Variants in TEX9 observed in about 807,000 individuals in gnomAD.
TEX9 encodes testis expressed 9.
A neutral mutation model predicts 59.6 loss-of-function variants in TEX9; 74 were observed. The observed-to-expected ratio is 1.24, with a 90% CI of 1.03 to 1.51. The LOEUF (loss-of-function observed/expected upper bound fraction) is 1.51, where lower values mean the gene tolerates loss of function less well. Ranked by LOEUF, TEX9 falls within the 40% of genes most tolerant of loss-of-function variation. TEX9 has a pLI of 0.00. For synonymous variants in TEX9, 186 were observed against 152.2 expected (o/e 1.22, Z -1.64); for missense variants, 522 against 447.8 (o/e 1.17, Z -1.49).
intron 1 of TEX9, among the ~76,000 whole-genome samples, chr15:56,317,947 T>C (rs2045815423): frequency 6.6e-6 from 1 of 152,198 alleles, no homozygotes; most frequent in Non-Finnish European, 1.5e-5. Flanking sequence ...TTGTGGAGAA[T>C]GTGTATATCA....
At chr15:56,456,049 C>T in the TEX9 span, among the ~76,000 whole-genome samples, 1 of 152,094 alleles carries the variant, frequency 6.6e-6, no homozygotes, top group African/African-American at 2.4e-5. Context: ...TCCAGAAATA[C>T]TGTAGGAAAT....
intron 1 of TEX9, 41 bp downstream of exon 1, chr15:56,365,518 G>T (rs1395584450): frequency 6.2e-7 from 1 of 1,614,186 alleles, no homozygotes; most frequent in South Asian, 1.1e-5. Flanking sequence ...TCTGGGTTCC[G>T]GCGACTAGGA....
intron 12 of TEX9, chr15:56,428,476 A>G: frequency 1.6e-5 from 22 of 1,387,652 alleles, no homozygotes; most frequent in Non-Finnish European, 2.1e-5. Flanking sequence ...CTATGACAGT[A>G]TGTGATGGAT....
At position 56,407,533 on chromosome 15, in the gene TEX9, C is replaced by A. The variant is rs1486600802; in HGVS notation, c.829-4769C>A. 6.6e-5 allele frequency among the ~76,000 whole-genome samples: 10 copies of A among 152,072 alleles called. No individual in the cohort carries two copies. In the East Asian group the frequency reaches 1.7e-3, roughly 26 times the overall value. On this transcript the variant is annotated intron_variant, in intron 9 of 12. Coordinates refer to ENST00000352903, the Ensembl canonical transcript of TEX9. ...TATTATGTTTATTATATTTATAATACCTGTATGATGTGTAATAATGGCCCC... is the reference window on the plus strand; with the variant it reads ...TATTATGTTTATTATATTTATAATAACTGTATGATGTGTAATAATGGCCCC...
chr15:56,407,513 T>G (rs1217160250), intron 9 of TEX9, among the ~76,000 whole-genome samples: 1 of 152,224 alleles, frequency 6.6e-6, no homozygotes, highest in Non-Finnish European at 1.5e-5. Context: ...TCTTGTATTA[T>G]GTTTATTATA....
intron 1 of TEX9, among the ~76,000 whole-genome samples, chr15:56,267,144 A>C (rs937706012): frequency 6.6e-6 from 1 of 152,100 alleles, no homozygotes; most frequent in African/African-American, 2.4e-5. Flanking sequence ...GTGTCTGTTC[A>C]TGTCCTTTGC....
intron 1 of TEX9, 30 bp from the exon 2 acceptor site, chr15:56,365,549 C>A: frequency 6.2e-7 from 1 of 1,614,214 alleles, no homozygotes; most frequent in Non-Finnish European, 8.5e-7. Context: ...CCTTTAACTT[C>A]GGGTCTGAAA....
chr15:56,428,458 G>A lies in TEX9; in HGVS notation c.*14G>A, dbSNP rs1240602057. 3 of 1,589,328 alleles carry A rather than the reference G, an allele frequency of 1.9e-6. No individual in the cohort carries two copies. The Admixed American group carries it at 5.0e-5, about 27-fold the overall frequency. Reference sequence around the variant, plus strand: ...GGAAATTCATAAGTGATCTACTTCAGTTAGTCTCTATGACAGTATGTGATG... The same window carrying A: ...GGAAATTCATAAGTGATCTACTTCAATTAGTCTCTATGACAGTATGTGATG... On this transcript the variant is annotated 3_prime_UTR_variant, in exon 12 of 13. Transcript: ENST00000352903.
At chr15:56,359,517 TGTA>T (rs1178313498) in intron 1 of TEX9, among the ~76,000 whole-genome samples, 2 of 152,218 alleles carry the variant, frequency 1.3e-5, no homozygotes, top group Non-Finnish European at 2.9e-5. Flanking sequence ...GTTTCATTCA[TGTA>T]GTAGCATGTC....
At chr15:56,290,144 T>G (rs1219463178) in intron 1 of TEX9, among the ~76,000 whole-genome samples, 1 of 152,116 alleles carries the variant, frequency 6.6e-6, no homozygotes, top group African/African-American at 2.4e-5. Context: ...GGAGCACAAC[T>G]GGGTTCGGGA....
intron 1 of TEX9, among the ~76,000 whole-genome samples, chr15:56,314,954 C>G (rs1371777673): frequency 5.3e-5 from 8 of 151,580 alleles, no homozygotes; most frequent in African/African-American, 1.7e-4. Context: ...TCTGTTTTAT[C>G]AGAGACTGGG....
rs373057084 is a variant in TEX9, at chr15:56,286,746, G to C, written c.-107+42468G>C. Among the ~76,000 whole-genome samples the C allele has an allele frequency of 2.9e-4, 44 of 152,252 alleles. 1 individual carries two copies. Among genetic ancestry groups the C allele is most frequent in the African/African-American group, 1.0e-3 (42 of 41,556 alleles). On this transcript the variant is annotated intron_variant, in intron 1 of 5. Transcript: ENST00000560827. ...CTCAGGATTAGAAAGTTGAAATGTA[G>C]AAAAATAAAGTTGTATGTCTTAGCC...
At chr15:56,309,783 A>ACAT (rs551504387) in intron 1 of TEX9, among the ~76,000 whole-genome samples, 239 of 140,488 alleles carry the variant, frequency 1.7e-3, no homozygotes, top group African/African-American at 6.1e-3. Context: ...GAGCTGAACT[A>ACAT]CATTCCGATT....
intron 1 of TEX9, among the ~76,000 whole-genome samples, chr15:56,320,798 A>T (rs1028825492): frequency 6.6e-6 from 1 of 152,196 alleles, no homozygotes; most frequent in Non-Finnish European, 1.5e-5. Flanking sequence ...TGTCCTGGCA[A>T]ACCTGGCCAT....
At chr15:56,367,881 A>G (rs1444783411) in intron 2 of TEX9, among the ~76,000 whole-genome samples, 1 of 152,204 alleles carries the variant, frequency 6.6e-6, no homozygotes, top group Non-Finnish European at 1.5e-5. Flanking sequence ...TTATATACAC[A>G]CAGATCTTCA....
intron 9 of TEX9, chr15:56,395,655 A>G (rs1341405921): frequency 6.6e-6 from 1 of 152,164 alleles, no homozygotes. Context: ...CTTTTTGATT[A>G]TAGCCATACT....
rs369041883 is a variant in TEX9 at position 56,313,313 on chromosome 15, G to C, written c.-106-60128G>C. ...TAGATGATAGCTCTTATTATTTTGA[G>C]ATACGTCCCATCAATACCTAATTTA... is the stretch of plus-strand genomic sequence containing the variant. On this transcript the variant is annotated intron_variant, in intron 1 of 5. Transcript: ENST00000560827. 7.2e-3 allele frequency among the ~76,000 whole-genome samples: 359 copies of C among 50,000 alleles called. 33 individuals carry two copies. Among genetic ancestry groups the C allele is most frequent in the African/African-American group, 0.019 (344 of 18,412 alleles). The allele number at this position is 50,000 out of a possible 152,430, so 32.8% of individuals were successfully genotyped here.
rs992141412 is a variant in TEX9, at chr15:56,271,183, C to T, written c.-107+26905C>T. 2.0e-5 allele frequency among the ~76,000 whole-genome samples: 3 copies of T among 152,228 alleles called. No individual in the cohort carries two copies. In the East Asian group the frequency reaches 5.8e-4, roughly 29 times the overall value. On this transcript the variant is annotated intron_variant, in intron 1 of 5. Transcript: ENST00000560827. ...TTTCCTGAATTTGAATGTTGACCCA[C>T]CTTACTAGTTTGGGGAAGTTCTCCT...
intron 12 of TEX9, chr15:56,443,305 G>GTA (rs1567150888): frequency 3.1e-6 from 2 of 655,112 alleles, no homozygotes; most frequent in African/African-American, 1.9e-5. Context: ...TTTAACTGTA[G>GTA]TATACCATTT....
Sources: gnomAD v4.1 joint callset for allele counts (sites outside exome capture counted in the v4.1 genomes callset) on GRCh38, gnomAD v4.1.1 for gene constraint, MANE v1.5 for transcripts, NCBI Gene and HGNC (gene_info 2026-07-23, HGNC 2026-07-21) for gene names.